Variants in RIMS1 observed in about 807,000 individuals in gnomAD.
RIMS1 encodes regulating synaptic membrane exocytosis 1, also known as regulating synaptic membrane exocytosis protein 1.
In RIMS1, 83 loss-of-function variants were observed where a neutral mutation model predicts 214.1. The ratio of observed to expected loss-of-function variants is 0.39; its 90% CI spans 0.32 to 0.47. The LOEUF (loss-of-function observed/expected upper bound fraction) is 0.47. Among genes scored for constraint, RIMS1 ranks in the 20% least tolerant of loss-of-function variants. The pLI, the probability that RIMS1 is intolerant of heterozygous loss-of-function variation, is 0.99. For synonymous variants in RIMS1, 793 were observed against 786.8 expected (o/e 1.01, Z -0.13); for missense variants, 2,050 against 2,161.8 (o/e 0.95, Z 1.03).
At chr6:72,169,806 G>C (rs980973282) in intron 4 of RIMS1, among the ~76,000 whole-genome samples, 1 of 152,154 alleles carries the variant, frequency 6.6e-6, no homozygotes, top group African/African-American at 2.4e-5. Flanking sequence ...AGCTACTTGG[G>C]AGGAAGAGGC....
chr6:72,244,961 AATATTTGC>A (rs2068741199), intron 10 of RIMS1, among the ~76,000 whole-genome samples: 1 of 151,962 alleles, frequency 6.6e-6, no homozygotes, highest in African/African-American at 2.4e-5. Context: ...ATGTCATGTT[AATATTTGC>A]ATATTGTTAA....
intron 1 of RIMS1, among the ~76,000 whole-genome samples, chr6:71,931,026 G>C (rs540921463): frequency 6.6e-6 from 1 of 152,042 alleles, no homozygotes; most frequent in East Asian, 1.9e-4. Context: ...TTGACACTTG[G>C]AATAGATTTT....
rs186370458 is a variant in RIMS1, at chr6:72,181,686, G to C, written c.813-598G>C. On this transcript the variant is annotated intron_variant, in intron 5 of 33. Transcript: ENST00000521978. ...ATTGGGAAGTACAGAAGCAGGAAGA[G>C]AGGTGGCCAGTGTAAAGAGCTGGGC... 2.4e-3 allele frequency among the ~76,000 whole-genome samples: 360 copies of C among 152,342 alleles called. 1 individual carries two copies. The highest frequency in any genetic ancestry group is 0.02 in the Middle Eastern group (6 of 294).
At chr6:71,966,678 A>ACC (rs1319313306) in intron 1 of RIMS1, among the ~76,000 whole-genome samples, 1 of 151,818 alleles carries the variant, frequency 6.6e-6, no homozygotes, top group Non-Finnish European at 1.5e-5. Context: ...TACCCCACAC[A>ACC]CCCGGCTAAA....
intron 10 of RIMS1, among the ~76,000 whole-genome samples, chr6:72,245,131 T>G (rs950303950): frequency 1.3e-5 from 2 of 151,878 alleles, no homozygotes; most frequent in Non-Finnish European, 2.9e-5. Flanking sequence ...TTCAGAGTAA[T>G]TTGTCAGTGT....
At chr6:72,140,216 T>C (rs1304954584) in intron 4 of RIMS1, among the ~76,000 whole-genome samples, 4 of 152,138 alleles carry the variant, frequency 2.6e-5, no homozygotes, top group Admixed American at 1.3e-4. Flanking sequence ...TGCCAACCTT[T>C]CTAAAGAATA....
At chr6:72,047,529 A>G (rs1386414742) in intron 2 of RIMS1, among the ~76,000 whole-genome samples, 2 of 152,150 alleles carry the variant, frequency 1.3e-5, no homozygotes, top group Non-Finnish European at 1.5e-5. Flanking sequence ...TTTAAGCATA[A>G]TATATGAAAG....
chr6:72,162,191 C>G (rs1454754699), intron 4 of RIMS1, among the ~76,000 whole-genome samples: 2 of 140,642 alleles, frequency 1.4e-5, no homozygotes, highest in African/African-American at 4.9e-5. Flanking sequence ...TCTGTTTTAT[C>G]AGAGACCAGG....
chr6:72,221,204 A>T (rs937898800), intron 6 of RIMS1, among the ~76,000 whole-genome samples: 10 of 151,958 alleles, frequency 6.6e-5, no homozygotes, highest in African/African-American at 2.2e-4. Context: ...ATACTTGTGA[A>T]CTAAGTACAC....
At chr6:72,052,040 A>G (rs1379974715) in intron 2 of RIMS1, among the ~76,000 whole-genome samples, 2 of 152,202 alleles carry the variant, frequency 1.3e-5, no homozygotes, top group East Asian at 1.9e-4. Context: ...TTCACAATCA[A>G]TGGCAAATCG....
At chr6:72,317,054 G>GC (rs2095843775) in intron 28 of RIMS1, 2 of 410,094 alleles carry the variant, frequency 4.9e-6, no homozygotes, top group Non-Finnish European at 9.3e-6. Context: ...GGCCACAGAG[G>GC]CCTCTCAGAG....
In RIMS1 at chr6:72,240,940, T is replaced by TGGGAGGCGGAGGTTGCA. The variant is rs2066617568; in HGVS notation, c.1958-1372_1958-1356dup. Among the ~76,000 whole-genome samples the TGGGAGGCGGAGGTTGCA allele has an allele frequency of 2.0e-5, 3 of 152,126 alleles. No individual in the cohort carries two copies. The South Asian group carries it at 6.2e-4, about 32-fold the overall frequency. On this transcript the variant is annotated intron_variant, in intron 9 of 33. Coordinates refer to ENST00000521978, the MANE Select transcript of RIMS1 (RefSeq NM_014989.7). ...CTGAGGCAGGAGGATCGCTTGAACCTGGGAGGCGGAGGTTGCAGTGAGCCG... is the reference window on the plus strand; with the variant it reads ...CTGAGGCAGGAGGATCGCTTGAACCTGGGAGGCGGAGGTTGCAGGGAGGCGGAGGTTGCAGTGAGCCG...
intron 27 of RIMS1, 45 bp from the exon 28 acceptor site, chr6:72,313,461 A>G (rs1226078704): frequency 1.9e-6 from 3 of 1,571,644 alleles, no homozygotes; most frequent in Non-Finnish European, 2.6e-6. Flanking sequence ...TGTTTTTTCC[A>G]TTGTCTAATG....
intron 6 of RIMS1, among the ~76,000 whole-genome samples, chr6:72,205,614 C>T (rs1189045650): frequency 6.6e-6 from 1 of 152,000 alleles, no homozygotes; most frequent in East Asian, 1.9e-4. Flanking sequence ...TTTCTGTAAC[C>T]CAAATAATGA....
In RIMS1 at chr6:71,947,009, A is replaced by G. The variant is rs143234349; in HGVS notation, c.165-21974A>G. On this transcript the variant is annotated intron_variant, in intron 1 of 33. Transcript: ENST00000521978. ...AAACAAACATTTCTCAAAAGAAGAC[A>G]TACCACTGGCCATCGGATATGTGAA... Among the ~76,000 whole-genome samples the G allele has an allele frequency of 3.9e-3, 599 of 152,262 alleles. 3 individuals carry two copies. The highest frequency in any genetic ancestry group is 0.012 in the African/African-American group (507 of 41,566).
At chr6:72,180,784 G>A (rs2048309366) in intron 5 of RIMS1, among the ~76,000 whole-genome samples, 1 of 152,146 alleles carries the variant, frequency 6.6e-6, no homozygotes, top group Non-Finnish European at 1.5e-5. Context: ...CTTGGAGAAA[G>A]GAGGCTCCAA....
At position 71,923,653 on chromosome 6, in the gene RIMS1, G is replaced by A. The variant is rs2150790763; in HGVS notation, c.164+36466G>A. ...GTGATCTTGGCTCACCGCAATCACA[G>A]CCTCTCAGGTTCAAGCGATTCTCCT... is the stretch of plus-strand genomic sequence containing the variant. On this transcript the variant is annotated intron_variant, in intron 1 of 33. Transcript: ENST00000521978. 2.6e-5 allele frequency among the ~76,000 whole-genome samples: 4 copies of A among 151,940 alleles called. No individual in the cohort carries two copies. The Middle Eastern group carries it at 0.01, about 388-fold the overall frequency.
At chr6:72,279,353 C>G (rs958992742) in intron 23 of RIMS1, among the ~76,000 whole-genome samples, 1 of 151,956 alleles carries the variant, frequency 6.6e-6, no homozygotes, top group Admixed American at 6.6e-5. Context: ...GATTTTTACT[C>G]TAGCTTTGAT....
intron 4 of RIMS1, among the ~76,000 whole-genome samples, chr6:72,126,106 T>A (rs2153836257): frequency 6.6e-6 from 1 of 152,288 alleles, no homozygotes; most frequent in African/African-American, 2.4e-5. Flanking sequence ...GTTGTTCCTA[T>A]TCGGCCATCT....
Sources: allele counts gnomAD v4.1 joint callset (sites outside exome capture counted in the v4.1 genomes callset), GRCh38; gene constraint gnomAD v4.1.1; transcripts MANE v1.5; gene names NCBI Gene and HGNC (gene_info 2026-07-23, HGNC 2026-07-21).